The following ZNF503 variants were observed in gnomAD, a reference collection of about 807,000 sequenced individuals.
ZNF503 encodes zinc finger protein 503, also known as NocA-like zinc finger 2.
Under a neutral mutation model 34.4 loss-of-function variants are expected in ZNF503, and 15 were observed. The ratio of observed to expected loss-of-function variants is 0.44; its 90% CI spans 0.29 to 0.67. The LOEUF (loss-of-function observed/expected upper bound fraction) is 0.67, where lower values mean the gene tolerates loss of function less well. Ranked by LOEUF, ZNF503 falls within the 30% of genes least tolerant of loss-of-function variation. The pLI is 0.13. For missense variants in ZNF503, 1,007 were observed against 926.8 expected (o/e 1.09, Z -1.12); for synonymous variants, 580 against 456.8 (o/e 1.27, Z -3.44).
At chr10:75,359,241 CT>C in the ZNF503 span, among the ~76,000 whole-genome samples, 3 of 152,228 alleles carry the variant, frequency 2.0e-5, no homozygotes, top group Admixed American at 6.5e-5. Context: ...CCCTCGATAG[CT>C]TTTAACCCTG....
Position 75,401,477 on chromosome 10 carries a change from G to A in ZNF503, c.-58C>T. ...GAGGGCTCCGGGAGGCGCGGGGCGG[G>A]CTCGGGGCTGCGCGCTCGCCCCGGG... On this transcript the variant is annotated 5_prime_UTR_variant, in exon 1 of 2. Coordinates refer to ENST00000372524, the MANE Select transcript of ZNF503 (RefSeq NM_032772.6). 2 of 1,488,182 alleles carry A rather than the reference G, an allele frequency of 1.3e-6. No homozygotes were observed. The highest frequency in any genetic ancestry group is 1.8e-6 in the Non-Finnish European group (2 of 1,127,178). 92.2% of individuals were successfully genotyped at this position (1,488,182 alleles called of 1,614,324 possible). A position where few individuals can be genotyped will look rare whatever the true frequency, so the allele number is the denominator to read the frequency against.
the ZNF503 span, among the ~76,000 whole-genome samples, chr10:75,331,599 C>T: frequency 6.6e-6 from 1 of 152,148 alleles, no homozygotes; most frequent in African/African-American, 2.4e-5. Flanking sequence ...CAGGTGTGTG[C>T]CACCATGCAT....
the ZNF503 span, among the ~76,000 whole-genome samples, chr10:75,353,288 A>T: frequency 6.6e-6 from 1 of 151,860 alleles, no homozygotes; most frequent in Non-Finnish European, 1.5e-5. Context: ...CGTTCTTTTA[A>T]CCCCTTCAGT....
At chr10:75,285,760 G>A in the ZNF503 span, among the ~76,000 whole-genome samples, 1 of 152,216 alleles carries the variant, frequency 6.6e-6, no homozygotes, top group Non-Finnish European at 1.5e-5. Flanking sequence ...CACACTGCTG[G>A]AGAGGACCCA....
At chr10:75,350,323 T>TG in the ZNF503 span, 1 of 152,192 alleles carries the variant, frequency 6.6e-6, no homozygotes, top group Non-Finnish European at 1.5e-5. Flanking sequence ...CTGAACACTT[T>TG]GGGGAGTGAA....
At chr10:75,373,892 C>T in the ZNF503 span, among the ~76,000 whole-genome samples, 80 of 152,374 alleles carry the variant, frequency 5.3e-4, 2 homozygotes, top group Admixed American at 4.1e-3. Flanking sequence ...CCTCTTTCCA[C>T]ACATCATTCC....
chr10:75,365,838 G>A, the ZNF503 span, among the ~76,000 whole-genome samples: 1 of 152,182 alleles, frequency 6.6e-6, no homozygotes, highest in South Asian at 2.1e-4. Flanking sequence ...TTACTTTCAA[G>A]AAAAGGGCCA....
the ZNF503 span, among the ~76,000 whole-genome samples, chr10:75,329,298 A>C: frequency 2.0e-5 from 3 of 150,348 alleles, no homozygotes; most frequent in Admixed American, 6.6e-5. Context: ...ATCTGTTCTA[A>C]GAGTTTTTTT....
the ZNF503 span, among the ~76,000 whole-genome samples, chr10:75,331,792 T>A: frequency 6.6e-6 from 1 of 152,228 alleles, no homozygotes; most frequent in African/African-American, 2.4e-5. Context: ...CCTTGATGCC[T>A]TGCTACTGTA....
At chr10:75,365,786 G>A in the ZNF503 span, among the ~76,000 whole-genome samples, 11 of 152,190 alleles carry the variant, frequency 7.2e-5, no homozygotes, top group African/African-American at 2.4e-4. Flanking sequence ...AATAGTGCAC[G>A]GCCTATGGTG....
At chr10:75,381,805 C>CTTTTTTTT in the ZNF503 span, among the ~76,000 whole-genome samples, 380 of 38,650 alleles carry the variant, frequency 9.8e-3, 127 homozygotes, top group East Asian at 0.031. Flanking sequence ...GAACCTAATT[C>CTTTTTTTT]TTTTTTTTTT....
chr10:75,352,251 C>T, the ZNF503 span, among the ~76,000 whole-genome samples: 1 of 152,170 alleles, frequency 6.6e-6, no homozygotes, highest in Admixed American at 6.5e-5. Flanking sequence ...GGGAGGGCTA[C>T]CCAGCAAAGG....
the ZNF503 span, among the ~76,000 whole-genome samples, chr10:75,385,816 C>A: frequency 6.6e-6 from 1 of 152,158 alleles, no homozygotes; most frequent in African/African-American, 2.4e-5. Flanking sequence ...TCTTCATAAA[C>A]CTTCCTCATA....
At position 75,401,335 on chromosome 10, in the gene ZNF503, C is replaced by T. The variant is rs113760752; in HGVS notation, c.85G>A (p.Asp29Asn). The T allele has an allele frequency of 9.7e-6, 15 of 1,539,768 alleles. No individual in the cohort carries two copies. The African/African-American group carries it at 2.0e-4, about 20-fold the overall frequency. ...GAGAGCGCGCTGGTCCAGGCAGGGTCTGCACCGCCGCCTCCGCCTCCGCCG... is the reference window on the plus strand; with the variant it reads ...GAGAGCGCGCTGGTCCAGGCAGGGTTTGCACCGCCGCCTCCGCCTCCGCCG... ...GGGGGGGGGA[D>N]PAWTSALSGN... is the part of the protein sequence containing the mutation. The change falls in exon 1 of 2, where the codon GAC becomes AAC. Residue 29 changes from aspartate to asparagine, a missense_variant. Transcript: ENST00000372524.
chr10:75,395,582 C>A (rs1011886094), downstream of ZNF503, among the ~76,000 whole-genome samples: 1 of 152,112 alleles, frequency 6.6e-6, no homozygotes. The surrounding 1 kb of genome is among the most constrained non-coding windows in gnomAD (Gnocchi z 4.4). Flanking sequence ...TGGAGAGAGT[C>A]GGGGGGCGCG....
the ZNF503 span, among the ~76,000 whole-genome samples, chr10:75,371,167 G>A: frequency 4.0e-3 from 613 of 152,274 alleles, 10 homozygotes; most frequent in African/African-American, 0.014. Context: ...TGCCTGGAGC[G>A]GAGACAGCAT....
the ZNF503 span, among the ~76,000 whole-genome samples, chr10:75,282,226 G>A: frequency 6.6e-6 from 1 of 152,228 alleles, no homozygotes; most frequent in South Asian, 2.1e-4. Context: ...GTGGGGAGAA[G>A]GTGAGAGAGA....
chr10:75,352,124 C>T, the ZNF503 span, among the ~76,000 whole-genome samples: 2 of 152,194 alleles, frequency 1.3e-5, no homozygotes, highest in African/African-American at 4.8e-5. Context: ...CCATTTGTCA[C>T]TAACCCATCT....
chr10:75,371,061 G>A, the ZNF503 span, among the ~76,000 whole-genome samples: 18 of 152,296 alleles, frequency 1.2e-4, no homozygotes, highest in African/African-American at 3.8e-4. Context: ...TAAAAATGAT[G>A]TAAGAGAATA....
Sources: allele counts gnomAD v4.1 joint callset (sites outside exome capture counted in the v4.1 genomes callset), GRCh38; gene constraint gnomAD v4.1.1; non-coding constraint Gnocchi (gnomAD v3.1); transcripts MANE v1.5; gene names NCBI Gene and HGNC (gene_info 2026-07-23, HGNC 2026-07-21).